Variants in A2M observed in about 807,000 individuals in gnomAD.
The protein encoded by A2M is C3 and PZP-like alpha-2-macroglobulin domain-containing protein 5.
Under a neutral mutation model 183.9 loss-of-function variants are expected in A2M, and 128 were observed. The ratio of observed to expected loss-of-function variants is 0.70; its 90% confidence interval spans 0.60 to 0.81. The LOEUF is 0.81. Among genes scored for constraint, A2M ranks in the 30% least tolerant of loss-of-function variants. The pLI, the probability that A2M is intolerant of heterozygous loss-of-function variation, is 0.00. For missense variants in A2M, 1,495 were observed against 1,787.6 expected, an observed-to-expected ratio of 0.84 and a Z score of 2.95; for synonymous variants, 592 against 670.8, an observed-to-expected ratio of 0.88 and a Z score of 1.81.
At position 9,113,407 on chromosome 12, in the gene A2M, T is replaced by C. The variant is rs1205571066; in HGVS notation, c.223A>G (p.Thr75Ala). ...ESVRGNRSLF[T>A]DLEAENDVLH... Reference sequence around the variant, plus strand: ...ACGTCATTCTCCGCCTCCAGGTCAGTGAAGAGGCTCCTGTTTCCCCTGACA... The same window carrying C: ...ACGTCATTCTCCGCCTCCAGGTCAGCGAAGAGGCTCCTGTTTCCCCTGACA... The change falls in exon 2 of 36, where the codon ACT becomes GCT. Residue 75 changes from threonine to alanine, a missense_variant. Coordinates refer to ENST00000318602, the MANE Select transcript of A2M (RefSeq NM_000014.6). The C allele has an allele frequency of 6.2e-7, 1 of 1,613,698 alleles. No individual in the cohort carries two copies. Among genetic ancestry groups the C allele is most frequent in the Admixed American group, 1.7e-5 (1 of 59,958 alleles).
intron 15 of A2M, 24 bp downstream of exon 15, chr12:9,098,583 T>C: frequency 6.3e-7 from 1 of 1,579,622 alleles, no homozygotes; most frequent in Non-Finnish European, 8.6e-7. Flanking sequence ...CCCTTCTTGA[T>C]TCCTGAGGCT....
At chr12:9,086,648 A>G (rs781453324) in intron 22 of A2M, among the ~76,000 whole-genome samples, 1 of 152,356 alleles carries the variant, frequency 6.6e-6, no homozygotes, top group African/African-American at 2.4e-5. Context: ...CCTCAACACA[A>G]TAAAGGGCAT....
At chr12:9,111,248 G>T (rs781178136) in intron 4 of A2M, among the ~76,000 whole-genome samples, 1 of 152,140 alleles carries the variant, frequency 6.6e-6, no homozygotes, top group Non-Finnish European at 1.5e-5. Flanking sequence ...ACGCACAAAA[G>T]AACAATAAAC....
intron 35 of A2M, 85 bp from the exon 36 acceptor site, chr12:9,067,924 T>C (rs996790660): frequency 3.0e-6 from 4 of 1,328,968 alleles, no homozygotes; most frequent in Admixed American, 1.9e-5. Flanking sequence ...CTGGGTAGCA[T>C]AGTGCCCAAG....
intron 4 of A2M, 23 bp downstream of exon 4, chr12:9,112,136 T>C (rs746833144): frequency 2.5e-6 from 4 of 1,612,382 alleles, no homozygotes; most frequent in Non-Finnish European, 3.4e-6. Context: ...ACAATCATTT[T>C]ATGTAGATAA....
chr12:9,113,122 T>G (rs941050372), intron 2 of A2M, among the ~76,000 whole-genome samples: 4 of 151,586 alleles, frequency 2.6e-5, no homozygotes, highest in Admixed American at 1.3e-4. Flanking sequence ...TTTTTTTCCT[T>G]TCTGGCTAAT....
At chr12:9,110,405 C>G in intron 4 of A2M, 71 bp from the exon 5 acceptor site, 1 of 993,460 alleles carries the variant, frequency 1.0e-6, no homozygotes. Context: ...ATAAGCAAAG[C>G]AGCTAGTATT....
intron 19 of A2M, 153 bp from the exon 20 acceptor site, chr12:9,090,635 G>A: frequency 1.3e-6 from 1 of 760,878 alleles, no homozygotes; most frequent in Non-Finnish European, 2.1e-6. Context: ...ATATATTTAA[G>A]TGGATCTTAA....
chr12:9,089,126 A>G, intron 22 of A2M, 74 bp downstream of exon 22: 1 of 1,159,636 alleles, frequency 8.6e-7, no homozygotes, highest in African/African-American at 1.5e-5. Flanking sequence ...AAGTGTAGGA[A>G]TAATATATAA....
At position 9,098,546 on chromosome 12, in the gene A2M, T is replaced by A. The variant is rs1266705803; in HGVS notation, c.1851+61A>T. The A allele has an allele frequency of 1.3e-5, 20 of 1,532,180 alleles. No individual in the cohort carries two copies. The Admixed American group carries it at 3.6e-4, about 28-fold the overall frequency. The allele number at this position is 1,532,180 out of a possible 1,614,324, so 94.9% of individuals were successfully genotyped here. A position where few individuals can be genotyped will look rare whatever the true frequency, so the allele number is the denominator to read the frequency against. On this transcript the variant is annotated intron_variant, in intron 15 of 35. Transcript: ENST00000318602. ...ATCTTATCCTACTTATCCAGTCATT[T>A]TTCCTTGCTCTGAGCCCCTGGCACG... is the stretch of plus-strand genomic sequence containing the variant.
intron 30 of A2M, 58 bp from the exon 31 acceptor site, chr12:9,072,544 G>A (rs1948608666): frequency 1.1e-5 from 18 of 1,599,694 alleles, no homozygotes; most frequent in South Asian, 3.4e-5. Context: ...TCCTGTCCAC[G>A]TCCCTAACCC....
At position 9,097,218 on chromosome 12, in the gene A2M, C is replaced by T. The variant is rs116990065; in HGVS notation, c.1851+1389G>A. ...ACTGTTGAAATGTACTTGATGCTTCCTTTAGAAGTATTCTAATATTTTCAG... is the reference window on the plus strand; with the variant it reads ...ACTGTTGAAATGTACTTGATGCTTCTTTTAGAAGTATTCTAATATTTTCAG... On this transcript the variant is annotated intron_variant, in intron 15 of 35. Coordinates refer to ENST00000318602, the MANE Select transcript of A2M (RefSeq NM_000014.6). Among the ~76,000 whole-genome samples the T allele has an allele frequency of 3.2e-3, 493 of 152,190 alleles. 6 individuals carry two copies. Among genetic ancestry groups the T allele is most frequent in the Admixed American group, 0.025 (382 of 15,294 alleles).
At chr12:9,112,093 C>T (rs1375322960) in intron 4 of A2M, 66 bp downstream of exon 4, 2 of 1,519,522 alleles carry the variant, frequency 1.3e-6, no homozygotes, top group Non-Finnish European at 1.8e-6. Flanking sequence ...CTTCCCTCAG[C>T]ACAAAAAACA....
Position 9,089,947 on chromosome 12 carries a change from A to G in A2M, c.2673T>C (p.Pro891=), listed in dbSNP as rs1218952311. The G allele has an allele frequency of 1.6e-5, 26 of 1,612,580 alleles. No homozygotes were observed. Among genetic ancestry groups the G allele is most frequent in the African/African-American group, 2.7e-5 (2 of 74,902 alleles). ...ELCGTEVPSV[P]EHGRKDTVIK... is the part of the protein sequence containing the mutation. ...TGACTGTGTCTTTCCTTCCGTGTTC[A>G]GGAACTGAAGGCACCTCAGTCCCAC... Residue 891 remains proline, a synonymous_variant, in exon 21 of 36, where the codon CCT becomes CCC. Transcript: ENST00000318602.
chr12:9,110,375 A>T lies in A2M; in HGVS notation c.484-41T>A, dbSNP rs1348249054. 3.2e-6 allele frequency: 4 copies of T among 1,239,980 alleles called. No homozygotes were observed. In the African/African-American group the frequency reaches 6.2e-5, roughly 19 times the overall value. 76.8% of individuals were successfully genotyped at this position (1,239,980 alleles called of 1,614,324 possible). ...AAAAAGAAGTTTATAATTATTTTCA[A>T]ATATTCTTAAATCTCATTTATAAGC... On this transcript the variant is annotated intron_variant, in intron 4 of 35. Coordinates refer to ENST00000318602, the MANE Select transcript of A2M (RefSeq NM_000014.6).
intron 25 of A2M, 120 bp from the exon 26 acceptor site, chr12:9,077,977 C>T (rs1263396020): frequency 9.1e-7 from 1 of 1,098,648 alleles, no homozygotes; most frequent in Non-Finnish European, 1.3e-6. Flanking sequence ...ACTTAGAGAG[C>T]TTATCTCCTT....
At chr12:9,093,634 GAGA>G in intron 17 of A2M, 55 bp from the exon 18 acceptor site, 1 of 982,078 alleles carries the variant, frequency 1.0e-6, no homozygotes, top group Non-Finnish European at 1.4e-6. Flanking sequence ...AAGCTTATGA[GAGA>G]ATGTAATAGT....
At chr12:9,069,327 A>T (rs1948493497) in intron 33 of A2M, among the ~76,000 whole-genome samples, 1 of 152,208 alleles carries the variant, frequency 6.6e-6, no homozygotes, top group African/African-American at 2.4e-5. Flanking sequence ...TTTACTGGTG[A>T]ACTGGTCTTA....
chr12:9,098,142 G>A (rs142269771), intron 15 of A2M, among the ~76,000 whole-genome samples: 10 of 152,132 alleles, frequency 6.6e-5, no homozygotes, highest in East Asian at 3.9e-4. Context: ...CGGCTTCCCC[G>A]GTTGCTCAGT....
Sources: allele counts gnomAD v4.1 joint callset (sites outside exome capture counted in the v4.1 genomes callset), GRCh38; gene constraint gnomAD v4.1.1; transcripts MANE v1.5; gene names NCBI Gene and HGNC (gene_info 2026-07-23, HGNC 2026-07-21).